CRB1: variants seen among roughly 807,000 people sequenced by gnomAD.
CRB1 encodes protein crumbs homolog 1.
CRB1 carries 83 observed loss-of-function variants against 120.0 expected under a neutral mutation model. The ratio of observed to expected loss-of-function variants is 0.69; its 90% confidence interval spans 0.58 to 0.83. The LOEUF is 0.83. CRB1 is among the 40% of genes least tolerant of loss of function. The pLI, the probability that CRB1 is intolerant of heterozygous loss-of-function variation, is 0.00. For synonymous variants in CRB1, 625 were observed against 612.5 expected (o/e 1.02, Z -0.30); for missense variants, 1,699 against 1,687.6 (o/e 1.01, Z -0.12).
chr1:197,296,400 T>C (rs184882384), intron 1 of CRB1, among the ~76,000 whole-genome samples: 1 of 152,076 alleles, frequency 6.6e-6, no homozygotes, highest in East Asian at 1.9e-4. Context: ...AAACTGTACC[T>C]GGAATATAGT....
intron 5 of CRB1, among the ~76,000 whole-genome samples, chr1:197,376,356 A>AT (rs560228938): frequency 1.3e-5 from 2 of 152,152 alleles, no homozygotes; most frequent in East Asian, 1.9e-4. Flanking sequence ...AAAACTTTTT[A>AT]TTTTTTTATC....
intron 1 of CRB1, among the ~76,000 whole-genome samples, chr1:197,297,701 A>T (rs1656615469): frequency 6.6e-6 from 1 of 152,128 alleles, no homozygotes; most frequent in African/African-American, 2.4e-5. Context: ...GTCCACAGGG[A>T]AAAGGGAAGA....
At chr1:197,427,292 T>G (rs901700851) in intron 6 of CRB1, among the ~76,000 whole-genome samples, 162 bp from the exon 7 acceptor site, 2 of 152,194 alleles carry the variant, frequency 1.3e-5, no homozygotes, top group African/African-American at 4.8e-5. Context: ...CATTATTCTA[T>G]TTAATAAACC....
At chr1:197,361,982 A>C (rs186878723) in intron 5 of CRB1, among the ~76,000 whole-genome samples, 4 of 152,108 alleles carry the variant, frequency 2.6e-5, no homozygotes, top group Admixed American at 1.3e-4. Flanking sequence ...TTATAAATTT[A>C]ACTCTCAATA....
chr1:197,379,888 A>G (rs1006535284), intron 5 of CRB1, among the ~76,000 whole-genome samples: 1 of 152,230 alleles, frequency 6.6e-6, no homozygotes, highest in African/African-American at 2.4e-5. Flanking sequence ...AGTTACCTAG[A>G]TAATTAGTAT....
chr1:197,228,951 T>C, the CRB1 span, among the ~76,000 whole-genome samples: 43 of 152,272 alleles, frequency 2.8e-4, no homozygotes, highest in African/African-American at 9.1e-4. Flanking sequence ...GTGAGACTTA[T>C]TCACTACCAT....
intron 1 of CRB1, among the ~76,000 whole-genome samples, chr1:197,279,856 A>T (rs1655424727): frequency 6.7e-6 from 1 of 148,938 alleles, no homozygotes; most frequent in South Asian, 2.1e-4. Flanking sequence ...TTTAAATTAG[A>T]GGAGTCTATG....
chr1:197,367,534 C>T (rs1661139612), intron 5 of CRB1, among the ~76,000 whole-genome samples: 1 of 152,114 alleles, frequency 6.6e-6, no homozygotes, highest in Non-Finnish European at 1.5e-5. Context: ...GTGTGCTTAC[C>T]CTTGAACCAT....
chr1:197,474,695 C>G (rs1667124205), intron 11 of CRB1, among the ~76,000 whole-genome samples: 1 of 152,124 alleles, frequency 6.6e-6, no homozygotes, highest in Middle Eastern at 3.2e-3. Flanking sequence ...GTTTAGAAAA[C>G]AGAGACAAAC....
chr1:197,436,689 A>G (rs965261695), intron 9 of CRB1, among the ~76,000 whole-genome samples: 4 of 152,170 alleles, frequency 2.6e-5, no homozygotes, highest in African/African-American at 9.6e-5. Flanking sequence ...CTAGTATTTG[A>G]AGTCATCTTC....
intron 11 of CRB1, among the ~76,000 whole-genome samples, chr1:197,470,765 A>G (rs1666946438): frequency 6.6e-6 from 1 of 152,268 alleles, no homozygotes; most frequent in Non-Finnish European, 1.5e-5. Flanking sequence ...TCTAATGCCT[A>G]TGATGGCTCC....
At chr1:197,440,554 A>G (rs1269006650) in intron 10 of CRB1, 2 of 152,222 alleles carry the variant, frequency 1.3e-5, no homozygotes, top group African/African-American at 4.8e-5. Flanking sequence ...TCATGCATTA[A>G]TTAACCTCTA....
chr1:197,292,252 CAG>C (rs1164568270), intron 1 of CRB1, among the ~76,000 whole-genome samples: 2 of 152,102 alleles, frequency 1.3e-5, no homozygotes, highest in African/African-American at 4.8e-5. Context: ...ACCAATCCCA[CAG>C]AAGTACAAAC....
the CRB1 span, among the ~76,000 whole-genome samples, chr1:197,226,861 AAG>A: frequency 1.3e-5 from 2 of 152,288 alleles, no homozygotes; most frequent in South Asian, 4.1e-4. Context: ...TGGTGATGAC[AAG>A]AGAAAATGAG....
At chr1:197,306,880 A>G (rs1657204494) in intron 1 of CRB1, among the ~76,000 whole-genome samples, 1 of 152,236 alleles carries the variant, frequency 6.6e-6, no homozygotes. Flanking sequence ...ACAACTCAAT[A>G]GAATGATCTG....
chr1:197,428,052 T>C, intron 7 of CRB1, 51 bp downstream of exon 7: 1 of 1,530,094 alleles, frequency 6.5e-7, no homozygotes, highest in Non-Finnish European at 9.0e-7. Context: ...AAACTTTTAC[T>C]TTATTAAAAA....
chr1:197,450,978 A>G (rs1005121501), intron 11 of CRB1, among the ~76,000 whole-genome samples: 5 of 150,306 alleles, frequency 3.3e-5, no homozygotes, highest in Admixed American at 6.6e-5. Context: ...AAAAAAAAAA[A>G]AAAGAAAGCA....
chr1:197,461,159 A>G (rs1271289824), intron 11 of CRB1, among the ~76,000 whole-genome samples: 2 of 152,166 alleles, frequency 1.3e-5, no homozygotes, highest in Non-Finnish European at 2.9e-5. Context: ...CTCAAATTAT[A>G]GATACCAATG....
intron 5 of CRB1, among the ~76,000 whole-genome samples, chr1:197,412,442 A>G (rs1474508435): frequency 6.6e-6 from 1 of 152,214 alleles, no homozygotes; most frequent in East Asian, 1.9e-4. Context: ...AAGTTCTCAT[A>G]GCCTAGTATC....
Sources: allele counts gnomAD v4.1 joint callset (sites outside exome capture counted in the v4.1 genomes callset), GRCh38; gene constraint gnomAD v4.1.1; transcripts MANE v1.5; gene names NCBI Gene and HGNC (gene_info 2026-07-23, HGNC 2026-07-21).